CELF4: variants seen among roughly 807,000 people sequenced by gnomAD.
CELF4 encodes the protein CUG-BP- and ETR-3-like factor 4.
Under a neutral mutation model 59.9 loss-of-function variants are expected in CELF4, and 18 were observed. The observed-to-expected ratio is 0.30, with a 90% CI of 0.21 to 0.45. CELF4 has a LOEUF of 0.45. Among genes scored for constraint, CELF4 ranks in the 20% least tolerant of loss-of-function variants. The pLI, the probability that CELF4 is intolerant of heterozygous loss-of-function variation, is 1.00. For synonymous variants in CELF4, 261 were observed against 267.1 expected (o/e 0.98, Z 0.22); for missense variants, 456 against 689.0 (o/e 0.66, Z 3.79).
In CELF4 at chr18:37,505,765, C is replaced by G. The variant is rs749376541; in HGVS notation, c.287-20158G>C. 1.1e-3 allele frequency among the ~76,000 whole-genome samples: 169 copies of G among 152,324 alleles called. 1 individual carries two copies. The highest frequency in any genetic ancestry group is 5.7e-4 in the Non-Finnish European group (39 of 68,030). ...CTCTAGCCCCACTGCCCAGACTCTA[C>G]AGGGGGATCGATAGTGTGAACTGTG... On this transcript the variant is annotated intron_variant, in intron 1 of 12. Coordinates refer to ENST00000420428, the MANE Select transcript of CELF4 (RefSeq NM_020180.4).
At chr18:37,467,288 A>G (rs2099811409) in intron 2 of CELF4, among the ~76,000 whole-genome samples, 1 of 152,152 alleles carries the variant, frequency 6.6e-6, no homozygotes, top group African/African-American at 2.4e-5. Context: ...GTTAGCAGGC[A>G]CTTTCTCTGC....
chr18:37,333,543 G>A (rs183032915), intron 2 of CELF4, among the ~76,000 whole-genome samples: 36 of 152,270 alleles, frequency 2.4e-4, no homozygotes, highest in Non-Finnish European at 4.4e-5. Context: ...GTTGGACTCT[G>A]TGGGGAAGAG....
chr18:37,322,480 G>T (rs936123479), intron 2 of CELF4, among the ~76,000 whole-genome samples: 2 of 152,232 alleles, frequency 1.3e-5, no homozygotes, highest in Admixed American at 6.5e-5. Context: ...CAGGGAGTGC[G>T]TGGAGTGGGC....
chr18:37,439,697 A>C (rs1415204452), intron 2 of CELF4, among the ~76,000 whole-genome samples: 3 of 151,974 alleles, frequency 2.0e-5, no homozygotes, highest in Non-Finnish European at 4.4e-5. Flanking sequence ...ATATCCCTGG[A>C]GCTCCCAGGT....
chr18:37,454,331 T>C (rs1287937401), intron 2 of CELF4, among the ~76,000 whole-genome samples: 9 of 152,170 alleles, frequency 5.9e-5, no homozygotes, highest in African/African-American at 1.9e-4. Context: ...CTCTGTTCTA[T>C]GAAGGAGGCC....
intron 2 of CELF4, among the ~76,000 whole-genome samples, chr18:37,384,294 T>C (rs1271701256): frequency 6.6e-6 from 1 of 152,124 alleles, no homozygotes; most frequent in African/African-American, 2.4e-5. Flanking sequence ...AAATTCTAAG[T>C]GGCAATCTGG....
Position 37,264,717 on chromosome 18 carries a change from G to A in CELF4, c.1206C>T (p.Ala402=). 6.3e-7 allele frequency: 1 copy of A among 1,581,996 alleles called. No individual in the cohort carries two copies. The highest frequency in any genetic ancestry group is 8.6e-7 in the Non-Finnish European group (1 of 1,163,262). ...YPAAYGQISQ[A]FPQPPPMIPQ... ...GGATCATTGGAGGCGGCTGAGGAAA[G>A]GCCTGGCTTATCTGACCATAGGCAG... The change falls in exon 10 of 13, where the codon GCC becomes GCT. Residue 402 remains alanine, a synonymous_variant. Transcript: ENST00000420428.
intron 2 of CELF4, among the ~76,000 whole-genome samples, chr18:37,356,009 A>ACAGCC (rs930869240): frequency 7.9e-5 from 12 of 152,154 alleles, no homozygotes; most frequent in Admixed American, 4.6e-4. Context: ...TCAGCCCAGC[A>ACAGCC]CAGCCCAGCC....
At chr18:37,441,393 C>T (rs1007966029) in intron 2 of CELF4, among the ~76,000 whole-genome samples, 14 of 151,674 alleles carry the variant, frequency 9.2e-5, no homozygotes, top group East Asian at 1.9e-4. Context: ...TGCTGGGAGA[C>T]GGCAGACAGA....
chr18:37,478,065 G>A (rs376880266), intron 2 of CELF4, among the ~76,000 whole-genome samples: 2 of 152,214 alleles, frequency 1.3e-5, no homozygotes, highest in Admixed American at 6.5e-5. Flanking sequence ...CACCAATGGC[G>A]TCGGGTAGTG....
At chr18:37,309,450 A>C (rs917647950) in intron 3 of CELF4, among the ~76,000 whole-genome samples, 9 of 152,198 alleles carry the variant, frequency 5.9e-5, no homozygotes, top group East Asian at 1.9e-4. Context: ...CACTGGCTCT[A>C]TTTACCTTCC....
chr18:37,426,877 C>T (rs2099616393), intron 2 of CELF4, among the ~76,000 whole-genome samples: 1 of 152,130 alleles, frequency 6.6e-6, no homozygotes, highest in South Asian at 2.1e-4. Context: ...TCTTTAATCC[C>T]CATGGATTAC....
chr18:37,324,127 C>T (rs1243023401), intron 2 of CELF4, among the ~76,000 whole-genome samples: 3 of 152,150 alleles, frequency 2.0e-5, no homozygotes, highest in African/African-American at 7.2e-5. Flanking sequence ...AAGTCCATTC[C>T]CTGGGCCTTC....
chr18:37,373,867 T>C (rs1175976803), intron 2 of CELF4, among the ~76,000 whole-genome samples: 1 of 152,188 alleles, frequency 6.6e-6, no homozygotes, highest in Non-Finnish European at 1.5e-5. Context: ...CCATTCCCAA[T>C]ACCACAGCCT....
At position 37,318,294 on chromosome 18, in the gene CELF4, C is replaced by T. The variant is rs368565304; in HGVS notation, c.448+3509G>A. On this transcript the variant is annotated intron_variant, in intron 3 of 12. Transcript: ENST00000420428. ...GCCTCGCTCCCCCTCCTCCTCCTGCCGCTTATCCCCTCACCTCTCTACTTT... is the reference window on the plus strand; with the variant it reads ...GCCTCGCTCCCCCTCCTCCTCCTGCTGCTTATCCCCTCACCTCTCTACTTT... Among the ~76,000 whole-genome samples, 19 of 151,928 alleles carry T rather than the reference C, an allele frequency of 1.3e-4. 1 individual carries two copies. The East Asian group carries it at 3.5e-3, about 28-fold the overall frequency.
intron 1 of CELF4, among the ~76,000 whole-genome samples, chr18:37,512,645 C>T: frequency 6.6e-6 from 1 of 150,890 alleles, no homozygotes; most frequent in Non-Finnish European, 1.5e-5. Flanking sequence ...CTTCTTCCTC[C>T]TCCTTCTCCA....
chr18:37,361,201 G>T (rs1416063467), intron 2 of CELF4, among the ~76,000 whole-genome samples: 3 of 152,086 alleles, frequency 2.0e-5, no homozygotes. Flanking sequence ...TGCATTTTCT[G>T]CCCTGGATCT....
intron 1 of CELF4, among the ~76,000 whole-genome samples, chr18:37,509,267 A>C (rs1436164602): frequency 6.6e-6 from 1 of 152,258 alleles, no homozygotes; most frequent in Non-Finnish European, 1.5e-5. Context: ...GAATTGATCT[A>C]AATTTATAAT....
chr18:37,316,319 G>A (rs1374835984), intron 3 of CELF4, among the ~76,000 whole-genome samples: 1 of 152,132 alleles, frequency 6.6e-6, no homozygotes, highest in African/African-American at 2.4e-5. Flanking sequence ...CTTATATTGG[G>A]GATAAATCTG....
Sources: allele counts gnomAD v4.1 joint callset (sites outside exome capture counted in the v4.1 genomes callset), GRCh38; gene constraint gnomAD v4.1.1; transcripts MANE v1.5; gene names NCBI Gene and HGNC (gene_info 2026-07-23, HGNC 2026-07-21).